The following DNAH8 variants were observed in gnomAD, a reference collection of about 807,000 sequenced individuals.
DNAH8 encodes the protein dynein axonemal heavy chain 8, also known as axonemal beta dynein heavy chain 8.
DNAH8 carries 382 observed loss-of-function variants against 562.1 expected under a neutral mutation model. That is an observed-to-expected ratio of 0.68 (90% CI 0.63 to 0.74). The LOEUF is 0.74. DNAH8 is among the 30% of genes least tolerant of loss of function. The pLI, the probability that DNAH8 is intolerant of heterozygous loss-of-function variation, is 0.00. For missense variants in DNAH8, 5,203 were observed against 5,620.4 expected, an observed-to-expected ratio of 0.93 and a Z score of 2.37; for synonymous variants, 1,881 against 1,919.4, an observed-to-expected ratio of 0.98 and a Z score of 0.52.
intron 88 of DNAH8, among the ~76,000 whole-genome samples, chr6:39,006,345 C>G (rs866546999): frequency 1.4e-4 from 22 of 152,136 alleles, no homozygotes; most frequent in African/African-American, 5.1e-4. Flanking sequence ...TTCAAATATG[C>G]TATTCATGTT....
chr6:38,766,923 T>G (rs1767062003), intron 11 of DNAH8, among the ~76,000 whole-genome samples: 2 of 152,216 alleles, frequency 1.3e-5, no homozygotes, highest in Non-Finnish European at 2.9e-5. Flanking sequence ...GTTAAGCATC[T>G]AGGATCGACA....
chr6:38,798,481 T>C (rs1245295758), intron 21 of DNAH8, among the ~76,000 whole-genome samples: 1 of 152,192 alleles, frequency 6.6e-6, no homozygotes, highest in Non-Finnish European at 1.5e-5. Flanking sequence ...GACAGGATGC[T>C]TTACTTTGTG....
chr6:38,750,054 G>T (rs192712981), intron 8 of DNAH8, among the ~76,000 whole-genome samples: 9 of 152,126 alleles, frequency 5.9e-5, no homozygotes, highest in African/African-American at 1.9e-4. Flanking sequence ...GGATGGTCTC[G>T]ATCTCCTGAC....
chr6:38,896,707 T>C (rs1369277602), intron 60 of DNAH8, among the ~76,000 whole-genome samples: 1 of 152,142 alleles, frequency 6.6e-6, no homozygotes, highest in Non-Finnish European at 1.5e-5. Flanking sequence ...GTTGGCAAAT[T>C]ATAGTTTCTG....
At chr6:38,818,587 A>ACAG (rs1394784329) in intron 26 of DNAH8, among the ~76,000 whole-genome samples, 1 of 150,722 alleles carries the variant, frequency 6.6e-6, no homozygotes, top group Non-Finnish European at 1.5e-5. Flanking sequence ...GGAATAAAAC[A>ACAG]CAGCAGACAG....
Position 38,827,733 on chromosome 6 carries a change from C to T in DNAH8, c.4084-451C>T, listed in dbSNP as rs1225066532. 9.6e-5 allele frequency among the ~76,000 whole-genome samples: 5 copies of T among 52,226 alleles called. 1 individual carries two copies. Among genetic ancestry groups the T allele is most frequent in the Admixed American group, 2.4e-4 (1 of 4,146 alleles). The allele number at this position is 52,226 out of a possible 152,430, so 34.3% of individuals were successfully genotyped here. ...TGCAAAAGCTTAATTCTTTACCAAA[C>T]TTTTTTTTTTTTTTTTTTTTTTTTT... On this transcript the variant is annotated intron_variant, in intron 29 of 92. Coordinates refer to ENST00000327475, the MANE Select transcript of DNAH8 (RefSeq NM_001206927.2).
At chr6:38,825,952 G>T (rs1337648820) in intron 28 of DNAH8, among the ~76,000 whole-genome samples, 1 of 152,118 alleles carries the variant, frequency 6.6e-6, no homozygotes, top group Admixed American at 6.5e-5. Context: ...ACATTTCCAC[G>T]GGGATACATG....
intron 82 of DNAH8, among the ~76,000 whole-genome samples, chr6:38,959,063 G>A (rs966501394): frequency 6.6e-6 from 1 of 152,006 alleles, no homozygotes; most frequent in Non-Finnish European, 1.5e-5. Flanking sequence ...AGAAAGAACT[G>A]GATAAGATTC....
Position 38,790,327 on chromosome 6 carries a change from A to G in DNAH8, c.2703A>G (p.Thr901=), listed in dbSNP as rs1769605380. ...TGAGGCAAGGACTCACAGTGTTAAC[A>G]TGGTCGTCTTTAACACTGGAAAGCT... ...SVLRQGLTVL[T]WSSLTLESFF... The change falls in exon 20 of 93, where the codon ACA becomes ACG. Residue 901 remains threonine, a synonymous_variant. Transcript: ENST00000327475. The G allele has an allele frequency of 1.9e-6, 3 of 1,609,086 alleles. No individual in the cohort carries two copies. The highest frequency in any genetic ancestry group is 1.7e-6 in the Non-Finnish European group (2 of 1,178,470).
At chr6:39,013,540 G>A (rs1198203448) in intron 91 of DNAH8, among the ~76,000 whole-genome samples, 1 of 152,180 alleles carries the variant, frequency 6.6e-6, no homozygotes, top group Non-Finnish European at 1.5e-5. Context: ...GACTGTAGAA[G>A]GAGGGCAGTG....
At chr6:39,012,040 C>T (rs576490922) in intron 89 of DNAH8, among the ~76,000 whole-genome samples, 175 bp from the exon 90 acceptor site, 17 of 152,108 alleles carry the variant, frequency 1.1e-4, no homozygotes, top group Middle Eastern at 3.4e-3. Context: ...GTTTTGGAAA[C>T]GCAGGAAATG....
intron 22 of DNAH8, 79 bp from the exon 23 acceptor site, chr6:38,805,402 T>A: frequency 1.2e-6 from 1 of 852,532 alleles, no homozygotes; most frequent in Non-Finnish European, 1.9e-6. Context: ...AGGAACTTCC[T>A]AAGAGGATTT....
At chr6:38,897,250 A>G (rs1237552005) in intron 60 of DNAH8, among the ~76,000 whole-genome samples, 2 of 152,236 alleles carry the variant, frequency 1.3e-5, no homozygotes, top group Admixed American at 1.3e-4. Flanking sequence ...TATAGAATTC[A>G]AATTTCATTG....
intron 41 of DNAH8, among the ~76,000 whole-genome samples, chr6:38,856,954 TCA>T (rs1324797613): frequency 6.6e-6 from 1 of 152,144 alleles, no homozygotes; most frequent in East Asian, 1.9e-4. Context: ...TGACATCCTC[TCA>T]CAGTTTCTTT....
chr6:38,831,492 A>C (rs1773834928), intron 30 of DNAH8, among the ~76,000 whole-genome samples: 1 of 151,916 alleles, frequency 6.6e-6, no homozygotes, highest in Non-Finnish European at 1.5e-5. Flanking sequence ...CTATCTCTTT[A>C]ATGGTTAGTG....
chr6:38,753,967 C>T (rs1190928004), intron 9 of DNAH8, among the ~76,000 whole-genome samples: 1 of 152,144 alleles, frequency 6.6e-6, no homozygotes, highest in Non-Finnish European at 1.5e-5. Flanking sequence ...CTTTTTCCCC[C>T]TCATTTTCTT....
At chr6:38,895,622 A>G (rs1159533357) in intron 59 of DNAH8, among the ~76,000 whole-genome samples, 1 of 152,146 alleles carries the variant, frequency 6.6e-6, no homozygotes, top group Admixed American at 6.5e-5. Flanking sequence ...AAAGTTGTAA[A>G]GTGTCTACCA....
At chr6:38,827,457 T>C (rs1285391021) in intron 29 of DNAH8, among the ~76,000 whole-genome samples, 1 of 152,184 alleles carries the variant, frequency 6.6e-6, no homozygotes, top group Non-Finnish European at 1.5e-5. Flanking sequence ...ATTGGTTTTG[T>C]TGTCTATAAA....
rs111590687 is a variant in DNAH8 at position 38,743,334 on chromosome 6, C to A, written c.1293+1447C>A. Among the ~76,000 whole-genome samples, 16 of 152,254 alleles carry A rather than the reference C, an allele frequency of 1.1e-4. 1 individual carries two copies. The highest frequency in any genetic ancestry group is 3.1e-4 in the African/African-American group (13 of 41,552). Reference sequence around the variant, plus strand: ...GTTAATGTAGCATATTAGGTTTTATCTGATCATTTCCCTGTTTGTGGACCA... The same window carrying A: ...GTTAATGTAGCATATTAGGTTTTATATGATCATTTCCCTGTTTGTGGACCA... On this transcript the variant is annotated intron_variant, in intron 8 of 92. Coordinates refer to ENST00000327475, the MANE Select transcript of DNAH8 (RefSeq NM_001206927.2).
Sources: gnomAD v4.1 joint callset for allele counts (sites outside exome capture counted in the v4.1 genomes callset) on GRCh38, gnomAD v4.1.1 for gene constraint, MANE v1.5 for transcripts, NCBI Gene and HGNC (gene_info 2026-07-23, HGNC 2026-07-21) for gene names.